BRINP1: variants seen among roughly 807,000 people sequenced by gnomAD.
BRINP1 encodes the protein BMP/retinoic acid-inducible neural-specific protein 1.
A neutral mutation model predicts 72.9 loss-of-function variants in BRINP1; 17 were observed. The observed-to-expected ratio is 0.23, with a 90% CI of 0.16 to 0.35. BRINP1 has a LOEUF of 0.35. BRINP1 is among the 10% of genes least tolerant of loss of function. BRINP1 has a pLI of 1.00. For synonymous variants in BRINP1, 418 were observed against 378.5 expected, an observed-to-expected ratio of 1.10 and a Z score of -1.21; for missense variants, 850 against 1,001.6, an observed-to-expected ratio of 0.85 and a Z score of 2.04.
At chr9:119,279,551 A>G (rs888758340) in intron 2 of BRINP1, among the ~76,000 whole-genome samples, 8 of 152,226 alleles carry the variant, frequency 5.3e-5, no homozygotes, top group African/African-American at 1.9e-4. Context: ...TGCTTCAAAC[A>G]CATGTCTCAA....
intron 1 of BRINP1, among the ~76,000 whole-genome samples, chr9:119,353,930 C>T (rs1345709103): frequency 7.5e-6 from 1 of 133,828 alleles, no homozygotes; most frequent in African/African-American, 2.8e-5. Flanking sequence ...GAGCAGGCCT[C>T]AATAGATCTG....
chr9:119,252,862 T>C (rs191302367), intron 2 of BRINP1, among the ~76,000 whole-genome samples: 214 of 152,284 alleles, frequency 1.4e-3, no homozygotes, highest in African/African-American at 5.0e-3. Context: ...CAATTCCTTT[T>C]TTTGAAACAG....
intron 2 of BRINP1, among the ~76,000 whole-genome samples, chr9:119,305,597 T>G (rs1017529879): frequency 1.3e-5 from 2 of 152,202 alleles, no homozygotes; most frequent in African/African-American, 4.8e-5. Context: ...TCATGAATCC[T>G]AATCCTCCTT....
At chr9:119,301,334 C>T (rs1261316301) in intron 2 of BRINP1, among the ~76,000 whole-genome samples, 1 of 152,206 alleles carries the variant, frequency 6.6e-6, no homozygotes, top group Non-Finnish European at 1.5e-5. Flanking sequence ...TTGCCAGTCT[C>T]CTTGCCTCTT....
intron 1 of BRINP1, among the ~76,000 whole-genome samples, chr9:119,321,628 C>A (rs1219722877): frequency 1.3e-5 from 2 of 152,152 alleles, no homozygotes; most frequent in Non-Finnish European, 2.9e-5. Flanking sequence ...GCACGTGCCA[C>A]CATGCCTGGC....
rs139702957 is a variant in BRINP1 at position 119,167,191 on chromosome 9, G to A, written c.2179C>T (p.Arg727Cys). Residue 727 changes from arginine (R) to cysteine (C), a missense_variant, in exon 8 of 8, where the codon CGC becomes TGC. Arg to Cys is a radical substitution (Grantham distance 180). Coordinates refer to ENST00000265922, the MANE Select transcript of BRINP1 (RefSeq NM_014618.3). The surrounding 1 kb of genome is among the most constrained non-coding windows in gnomAD (Gnocchi z 4.3). ...ATCTCGCTGTTGGTCAGTTTCAGGCGGTGTTTCAGCATACAGGAGAACAAG... is the reference window on the plus strand; with the variant it reads ...ATCTCGCTGTTGGTCAGTTTCAGGCAGTGTTTCAGCATACAGGAGAACAAG... ...LDLFSCMLKH[R>C]LKLTNSEIIR... 1.1e-5 allele frequency: 17 copies of A among 1,613,976 alleles called. No homozygotes were observed. In the African/African-American group the frequency reaches 1.1e-4, roughly 10 times the overall value.
At chr9:119,217,864 T>C (rs1412824980) in intron 5 of BRINP1, among the ~76,000 whole-genome samples, 1 of 152,124 alleles carries the variant, frequency 6.6e-6, no homozygotes, top group African/African-American at 2.4e-5. Flanking sequence ...TTTCAGTACC[T>C]GCAATACACA....
At chr9:119,256,959 C>T (rs1037607735) in intron 2 of BRINP1, among the ~76,000 whole-genome samples, 3 of 151,512 alleles carry the variant, frequency 2.0e-5, no homozygotes, top group Admixed American at 1.3e-4. Context: ...TCTTATAGGC[C>T]GTAAAATACA....
At chr9:119,183,442 A>G (rs1829579161) in intron 7 of BRINP1, among the ~76,000 whole-genome samples, 3 of 152,208 alleles carry the variant, frequency 2.0e-5, no homozygotes, top group Non-Finnish European at 4.4e-5. Context: ...TGGATGAAGC[A>G]GTGGAAAAAA....
chr9:119,179,986 C>T (rs1410861519), intron 7 of BRINP1, among the ~76,000 whole-genome samples: 1 of 152,176 alleles, frequency 6.6e-6, no homozygotes, highest in African/African-American at 2.4e-5. Flanking sequence ...CCCATCAGTG[C>T]TTTCAAAGGT....
chr9:119,288,794 TTTTG>T (rs1830792992), intron 2 of BRINP1, among the ~76,000 whole-genome samples: 1 of 151,810 alleles, frequency 6.6e-6, no homozygotes, highest in Admixed American at 6.6e-5. Context: ...TTTTGTTTTG[TTTTG>T]TTTTTTTTTT....
In BRINP1 at chr9:119,167,852, G is replaced by A; in HGVS notation, c.1518C>T (p.Ile506=). The A allele has an allele frequency of 6.2e-7, 1 of 1,614,204 alleles. No homozygotes were observed. The highest frequency in any genetic ancestry group is 2.2e-5 in the East Asian group (1 of 44,872). Residue 506 remains isoleucine (I), a synonymous_variant, in exon 8 of 8, where the codon ATC becomes ATT. Transcript: ENST00000265922. This position sits in a 1 kb window ranked among gnomAD's most constrained non-coding sequence, Gnocchi z 4.3. The part of the protein sequence containing the change: ...DSRLYVHTTF[I]SNEIRLDTFF... ...AGGTGTCGAGGCGGATCTCGTTGCT[G>A]ATGAAGGTGGTGTGGACGTAGAGGC...
At chr9:119,272,887 G>A (rs770295441) in intron 2 of BRINP1, among the ~76,000 whole-genome samples, 1 of 152,182 alleles carries the variant, frequency 6.6e-6, no homozygotes, top group Non-Finnish European at 1.5e-5. Flanking sequence ...TAAGTCTTGT[G>A]TAGGTCCTTG....
intron 1 of BRINP1, among the ~76,000 whole-genome samples, chr9:119,314,597 C>T (rs1831106850): frequency 6.6e-6 from 1 of 152,168 alleles, no homozygotes; most frequent in Non-Finnish European, 1.5e-5. Context: ...AACTCCTGAC[C>T]TCATGATCCG....
intron 5 of BRINP1, among the ~76,000 whole-genome samples, chr9:119,219,646 T>TGAGAGAGAGAGAGA (rs57623423): frequency 2.1e-4 from 26 of 125,900 alleles, no homozygotes; most frequent in African/African-American, 6.2e-4. Flanking sequence ...TACTGTTTAC[T>TGAGAGAGAGAGAGA]GAGAGAGAGA....
At chr9:119,238,592 T>A in intron 5 of BRINP1, 63 bp downstream of exon 5, 1 of 981,550 alleles carries the variant, frequency 1.0e-6, no homozygotes, top group Non-Finnish European at 1.6e-6. Context: ...TGATCCCCTC[T>A]CCCACATATC....
At chr9:119,308,406 G>A (rs1027259144) in intron 2 of BRINP1, among the ~76,000 whole-genome samples, 1 of 152,188 alleles carries the variant, frequency 6.6e-6, no homozygotes, top group African/African-American at 2.4e-5. Flanking sequence ...CCACTTGTCT[G>A]TAAGCTCCTT....
intron 7 of BRINP1, among the ~76,000 whole-genome samples, chr9:119,194,477 A>C (rs1829713493): frequency 6.6e-6 from 1 of 152,212 alleles, no homozygotes; most frequent in Non-Finnish European, 1.5e-5. Flanking sequence ...TACATAACAC[A>C]GTTGACCTAC....
intron 5 of BRINP1, among the ~76,000 whole-genome samples, chr9:119,237,730 C>T (rs1354092550): frequency 1.3e-5 from 2 of 151,970 alleles, no homozygotes; most frequent in Non-Finnish European, 2.9e-5. Flanking sequence ...GGCGCAATCT[C>T]GGTTCACTGC....
Sources: gnomAD v4.1 joint callset for allele counts (sites outside exome capture counted in the v4.1 genomes callset) on GRCh38, gnomAD v4.1.1 for gene constraint, Gnocchi (gnomAD v3.1) non-coding constraint, MANE v1.5 for transcripts, NCBI Gene and HGNC (gene_info 2026-07-23, HGNC 2026-07-21) for gene names.